Variants in NPAS3 observed in about 807,000 individuals in gnomAD.
NPAS3 encodes the protein neuronal PAS domain protein 3, also known as neuronal PAS domain-containing protein 3.
Under a neutral mutation model 73.1 loss-of-function variants are expected in NPAS3, and 14 were observed. The observed-to-expected ratio is 0.19, with a 90% CI of 0.13 to 0.30. NPAS3 has a LOEUF of 0.30. Among genes scored for constraint, NPAS3 ranks in the 10% least tolerant of loss-of-function variants. The pLI, the probability that NPAS3 is intolerant of heterozygous loss-of-function variation, is 1.00. For missense variants in NPAS3, 1,096 were observed against 1,250.0 expected, an observed-to-expected ratio of 0.88 and a Z score of 1.86; for synonymous variants, 620 against 541.5, an observed-to-expected ratio of 1.14 and a Z score of -2.01.
At chr14:33,366,354 C>T (rs1050976548) in intron 3 of NPAS3, among the ~76,000 whole-genome samples, 5 of 151,926 alleles carry the variant, frequency 3.3e-5, no homozygotes, top group Non-Finnish European at 5.9e-5. Context: ...ACAGATGACA[C>T]TCAATTCTGG....
At chr14:33,652,991 A>G (rs576161962) in intron 5 of NPAS3, among the ~76,000 whole-genome samples, 6 of 152,350 alleles carry the variant, frequency 3.9e-5, no homozygotes, top group African/African-American at 1.4e-4. Flanking sequence ...TTTAATGGTC[A>G]GTCCGAGGAA....
At chr14:33,026,098 A>G (rs1305148865) in intron 1 of NPAS3, among the ~76,000 whole-genome samples, 1 of 152,238 alleles carries the variant, frequency 6.6e-6, no homozygotes, top group African/African-American at 2.4e-5. Context: ...ACAAAATTCC[A>G]GGTTGATTTT....
chr14:33,177,443 A>G (rs1393472248), intron 2 of NPAS3, among the ~76,000 whole-genome samples: 1 of 151,220 alleles, frequency 6.6e-6, no homozygotes, highest in Non-Finnish European at 1.5e-5. Context: ...ATTTGCAAAT[A>G]TTTTCTCCCA....
chr14:33,345,700 T>G (rs559283779), intron 3 of NPAS3, among the ~76,000 whole-genome samples: 1 of 152,336 alleles, frequency 6.6e-6, no homozygotes, highest in African/African-American at 2.4e-5. Flanking sequence ...CTGGAGCACA[T>G]GAGCTGGTGT....
In NPAS3 at chr14:33,070,872, C is replaced by T. The variant is rs1008567473; in HGVS notation, c.140+14878C>T. On this transcript the variant is annotated intron_variant, in intron 2 of 11. Transcript: ENST00000356141. ...CGACATAGGTATAAATATGTTAAAG[C>T]GTGTTTATAATTGCTTTTTGAAGGG... is the stretch of plus-strand genomic sequence containing the variant. 5.9e-5 allele frequency among the ~76,000 whole-genome samples: 9 copies of T among 152,220 alleles called. No homozygotes were observed. In the East Asian group the frequency reaches 1.4e-3, roughly 23 times the overall value.
At chr14:33,506,691 A>T (rs1406146832) in intron 4 of NPAS3, among the ~76,000 whole-genome samples, 2 of 152,044 alleles carry the variant, frequency 1.3e-5, no homozygotes, top group African/African-American at 4.8e-5. Context: ...TGATCCAGTT[A>T]ACTCTTTATT....
intron 4 of NPAS3, among the ~76,000 whole-genome samples, chr14:33,424,386 A>G (rs2048471051): frequency 6.6e-6 from 1 of 151,962 alleles, no homozygotes; most frequent in South Asian, 2.1e-4. Context: ...GCAGACCAAG[A>G]TGCCCATGAA....
In NPAS3 at chr14:33,112,616, T is replaced by G. The variant is rs1425820310; in HGVS notation, c.140+56622T>G. ...AAAAATTTTCTCCCATTCTGTAGGT[T>G]TCCTGTTCACTCTGATGGTAGTTTC... On this transcript the variant is annotated intron_variant, in intron 2 of 11. Coordinates refer to ENST00000356141, the Ensembl canonical transcript of NPAS3. Among the ~76,000 whole-genome samples, 7 of 152,316 alleles carry G rather than the reference T, an allele frequency of 4.6e-5. No individual in the cohort carries two copies. In the Middle Eastern group the frequency reaches 0.01, roughly 222 times the overall value.
At chr14:33,114,267 C>T (rs2042989159) in intron 2 of NPAS3, among the ~76,000 whole-genome samples, 2 of 152,112 alleles carry the variant, frequency 1.3e-5, no homozygotes, top group African/African-American at 2.4e-5. Context: ...AACTCCTGGC[C>T]TCAATGATCC....
chr14:32,965,908 A>G (rs967617042), intron 1 of NPAS3, among the ~76,000 whole-genome samples: 13 of 152,220 alleles, frequency 8.5e-5, no homozygotes, highest in Admixed American at 5.9e-4. Context: ...TGGTGGTTCT[A>G]TAGACCAAGT....
chr14:33,681,394 C>T (rs1434060123), intron 6 of NPAS3, among the ~76,000 whole-genome samples: 3 of 152,154 alleles, frequency 2.0e-5, no homozygotes, highest in African/African-American at 7.2e-5. Flanking sequence ...CAACCCCAGT[C>T]CCCAGACAAT....
chr14:33,566,343 T>C (rs2055934865), intron 5 of NPAS3, among the ~76,000 whole-genome samples: 1 of 152,074 alleles, frequency 6.6e-6, no homozygotes, highest in South Asian at 2.1e-4. Flanking sequence ...GGCAACTTTG[T>C]CTACGTTCTG....
chr14:33,557,129 G>C (rs2055392413), intron 4 of NPAS3, among the ~76,000 whole-genome samples: 1 of 152,142 alleles, frequency 6.6e-6, no homozygotes, highest in African/African-American at 2.4e-5. Context: ...CAAACTTGTA[G>C]GAAGGAAATA....
At chr14:33,466,908 T>G (rs1432858361) in intron 4 of NPAS3, among the ~76,000 whole-genome samples, 1 of 152,164 alleles carries the variant, frequency 6.6e-6, no homozygotes, top group African/African-American at 2.4e-5. Context: ...GACATGAGAT[T>G]TGGTGAGGAC....
intron 4 of NPAS3, among the ~76,000 whole-genome samples, chr14:33,545,299 C>T (rs971960714): frequency 2.6e-5 from 4 of 152,160 alleles, no homozygotes; most frequent in South Asian, 2.1e-4. Flanking sequence ...TTTCTCCTTA[C>T]GAGTAGATAA....
intron 7 of NPAS3, among the ~76,000 whole-genome samples, chr14:33,735,756 C>G (rs1350304178): frequency 6.7e-6 from 1 of 148,266 alleles, no homozygotes; most frequent in Non-Finnish European, 1.5e-5. Context: ...TTAATAACAT[C>G]TTAGCCACCG....
chr14:33,621,702 C>A (rs571761405), intron 5 of NPAS3, among the ~76,000 whole-genome samples: 46 of 152,168 alleles, frequency 3.0e-4, no homozygotes, highest in African/African-American at 1.1e-3. Flanking sequence ...GGATAACTCA[C>A]AAATTAGAGA....
At chr14:33,378,931 T>C (rs1282847165) in intron 4 of NPAS3, among the ~76,000 whole-genome samples, 2 of 152,206 alleles carry the variant, frequency 1.3e-5, no homozygotes, top group African/African-American at 4.8e-5. Context: ...GCACCTCTAA[T>C]CTGAAAATCC....
chr14:33,777,287 A>G (rs2062849579), intron 8 of NPAS3, among the ~76,000 whole-genome samples: 1 of 152,204 alleles, frequency 6.6e-6, no homozygotes, highest in Admixed American at 6.5e-5. Flanking sequence ...AACCCATGAA[A>G]TCCTTAGAAA....
Sources: allele counts gnomAD v4.1 joint callset (sites outside exome capture counted in the v4.1 genomes callset), GRCh38; gene constraint gnomAD v4.1.1; transcripts MANE v1.5; gene names NCBI Gene and HGNC (gene_info 2026-07-23, HGNC 2026-07-21).